CDH10: variants seen among roughly 807,000 people sequenced by gnomAD.
CDH10 encodes the protein cadherin 10, also known as cadherin-10.
Under a neutral mutation model 73.1 loss-of-function variants are expected in CDH10, and 30 were observed. That is an observed-to-expected ratio of 0.41 (90% confidence interval 0.31 to 0.56). CDH10 has a LOEUF of 0.56. CDH10 is among the 20% of genes least tolerant of loss of function. CDH10 has a pLI of 0.27. For missense variants in CDH10, 815 were observed against 973.7 expected (o/e 0.84, Z 2.17); for synonymous variants, 345 against 348.2 (o/e 0.99, Z 0.10).
intron 1 of CDH10, among the ~76,000 whole-genome samples, chr5:24,624,174 A>G (rs1747412748): frequency 6.6e-6 from 1 of 151,456 alleles, no homozygotes; most frequent in Non-Finnish European, 1.5e-5. Context: ...AACCAATAAC[A>G]CTCCTCTTCT....
In CDH10 at chr5:24,604,732, G is replaced by A. The variant is rs192141083; in HGVS notation, c.-123-11119C>T. ...TACTAAAAAATACAAAAATTAGCTG[G>A]GCGTGGTGGCAGGTGCCTTAATCCC... On this transcript the variant is annotated intron_variant, in intron 1 of 11. Coordinates refer to ENST00000264463, the MANE Select transcript of CDH10 (RefSeq NM_006727.5). Among the ~76,000 whole-genome samples, 442 of 152,076 alleles carry A rather than the reference G, an allele frequency of 2.9e-3. 2 individuals carry two copies. Among genetic ancestry groups the A allele is most frequent in the African/African-American group, 0.01 (423 of 41,452 alleles).
At chr5:24,551,783 A>C (rs1022760410) in intron 2 of CDH10, among the ~76,000 whole-genome samples, 1 of 152,138 alleles carries the variant, frequency 6.6e-6, no homozygotes, top group Admixed American at 6.6e-5. Flanking sequence ...AGAACCTTCT[A>C]TCTGTTCCAT....
chr5:24,555,668 C>G (rs1703561203), intron 2 of CDH10, among the ~76,000 whole-genome samples: 1 of 152,100 alleles, frequency 6.6e-6, no homozygotes, highest in Admixed American at 6.6e-5. Context: ...ATGCAAACTT[C>G]ATCAGAAATG....
chr5:24,562,843 C>A lies in CDH10; in HGVS notation c.232-25169G>T, dbSNP rs1425424041. ...TTTTAAAAAAACTTTGAAACACTTA[C>A]AAACTTATAGAAAGGTAAAACTAAT... On this transcript the variant is annotated intron_variant, in intron 2 of 11. Transcript: ENST00000264463. 3.3e-5 allele frequency among the ~76,000 whole-genome samples: 5 copies of A among 152,028 alleles called. No individual in the cohort carries two copies. In the East Asian group the frequency reaches 9.7e-4, roughly 29 times the overall value.
chr5:24,516,339 A>AATAC (rs1743107641), intron 5 of CDH10, among the ~76,000 whole-genome samples: 1 of 152,100 alleles, frequency 6.6e-6, no homozygotes, highest in African/African-American at 2.4e-5. Flanking sequence ...TTTCATAATT[A>AATAC]ATACATATCT....
chr5:24,516,521 C>T (rs907287338), intron 5 of CDH10, among the ~76,000 whole-genome samples: 36 of 152,086 alleles, frequency 2.4e-4, no homozygotes, highest in Admixed American at 5.9e-4. Context: ...AATTCTTCTA[C>T]GAGGAAAAGC....
chr5:24,558,640 C>T (rs1025935174), intron 2 of CDH10, among the ~76,000 whole-genome samples: 1 of 151,138 alleles, frequency 6.6e-6, no homozygotes, highest in Admixed American at 6.6e-5. Context: ...TGAATCTAAT[C>T]AAGGAAAAAA....
intron 7 of CDH10, among the ~76,000 whole-genome samples, 163 bp from the exon 8 acceptor site, chr5:24,505,411 C>T (rs112158914): frequency 0.015 from 2,224 of 152,314 alleles, 50 homozygotes; most frequent in African/African-American, 0.05. Context: ...GTTGCACACA[C>T]ACATTCTCCT....
intron 1 of CDH10, among the ~76,000 whole-genome samples, chr5:24,620,441 TTAAGA>T (rs775013938): frequency 6.6e-6 from 1 of 152,176 alleles, no homozygotes; most frequent in Admixed American, 6.5e-5. Context: ...GATTAGTAAA[TTAAGA>T]TAAGACCTTG....
chr5:24,615,721 T>C (rs970207518), intron 1 of CDH10, among the ~76,000 whole-genome samples: 2 of 152,182 alleles, frequency 1.3e-5, no homozygotes, highest in African/African-American at 4.8e-5. Flanking sequence ...CCAGGTACCA[T>C]AGGATTCTTA....
intron 5 of CDH10, among the ~76,000 whole-genome samples, 186 bp from the exon 6 acceptor site, chr5:24,511,700 T>C (rs969789260): frequency 3.3e-5 from 5 of 152,136 alleles, no homozygotes; most frequent in African/African-American, 1.2e-4. Flanking sequence ...ATGGATAACA[T>C]TAAGGTCTAG....
chr5:24,504,500 A>T (rs1211240640), intron 8 of CDH10, among the ~76,000 whole-genome samples: 16 of 56,548 alleles, frequency 2.8e-4, no homozygotes, highest in East Asian at 1.2e-3. Flanking sequence ...CTTTTCTCCT[A>T]TTAATCTTTT....
intron 1 of CDH10, among the ~76,000 whole-genome samples, chr5:24,628,399 G>A (rs1318711854): frequency 6.6e-6 from 1 of 152,162 alleles, no homozygotes; most frequent in African/African-American, 2.4e-5. Flanking sequence ...CAGACACCAA[G>A]TGGTAATTCA....
At chr5:24,491,937 T>G in intron 10 of CDH10, 110 bp from the exon 11 acceptor site, 1 of 643,076 alleles carries the variant, frequency 1.6e-6, no homozygotes, top group Non-Finnish European at 2.6e-6. Context: ...AAATATAAAA[T>G]TGATATACAT....
chr5:24,597,190 C>T (rs947223572), intron 1 of CDH10, among the ~76,000 whole-genome samples: 2 of 152,022 alleles, frequency 1.3e-5, no homozygotes, highest in African/African-American at 2.4e-5. Context: ...TTCCTTTAGA[C>T]CAGTGCTCCT....
chr5:24,621,235 C>A (rs1338898983), intron 1 of CDH10, among the ~76,000 whole-genome samples: 1 of 152,138 alleles, frequency 6.6e-6, no homozygotes, highest in African/African-American at 2.4e-5. Flanking sequence ...AAAGAAGAAA[C>A]TGAGTCTCCC....
In CDH10 at chr5:24,491,653, G is replaced by C. The variant is rs886707682; in HGVS notation, c.1799C>G (p.Ala600Gly). 4 of 1,613,606 alleles carry C rather than the reference G, an allele frequency of 2.5e-6. No homozygotes were observed. In the African/African-American group the frequency reaches 5.3e-5, roughly 22 times the overall value. Residue 600 changes from alanine (A) to glycine (G), a missense_variant, in exon 11 of 12, where the codon GCT (alanine) becomes GGT (glycine). By Grantham distance (60) the Ala-to-Gly change is moderately conservative. Coordinates refer to ENST00000264463, the MANE Select transcript of CDH10 (RefSeq NM_006727.5). ...GCCGGCAGGGAGGAGCAGGGCTTCA[G>C]CACTGCAGGATTGCATGTTGCCTTG... The part of the protein sequence containing the change: ...DSQGNMQSCS[A>G]EALLLPAGLS...
intron 2 of CDH10, among the ~76,000 whole-genome samples, chr5:24,542,037 A>G (rs776332392): frequency 1.3e-5 from 2 of 152,150 alleles, no homozygotes; most frequent in Non-Finnish European, 2.9e-5. Context: ...AAAAATTTAA[A>G]CAAATTTTTC....
At chr5:24,551,127 A>C (rs2319445) in intron 2 of CDH10, among the ~76,000 whole-genome samples, 144,748 of 152,202 alleles carry the variant, frequency 0.95, 68,928 homozygotes, top group East Asian at 1. Flanking sequence ...ATCCTTTTCC[A>C]TTCTTAAGCC....
Sources: gnomAD v4.1 joint callset for allele counts (sites outside exome capture counted in the v4.1 genomes callset) on GRCh38, gnomAD v4.1.1 for gene constraint, MANE v1.5 for transcripts, NCBI Gene and HGNC (gene_info 2026-07-23, HGNC 2026-07-21) for gene names.